ACSF2: variants seen among roughly 807,000 people sequenced by gnomAD.
ACSF2 encodes the protein medium-chain acyl-CoA ligase ACSF2, mitochondrial.
Under a neutral mutation model 79.3 loss-of-function variants are expected in ACSF2, and 52 were observed. That is an observed-to-expected ratio of 0.66 (90% CI 0.53 to 0.83). The LOEUF (loss-of-function observed/expected upper bound fraction) is 0.83, where lower values mean the gene tolerates loss of function less well. Ranked by LOEUF, ACSF2 falls within the 40% of genes least tolerant of loss-of-function variation. ACSF2 has a pLI of 0.00. For synonymous variants in ACSF2, 283 were observed against 312.6 expected (o/e 0.91, Z 1.00); for missense variants, 661 against 803.3 (o/e 0.82, Z 2.14).
At chr17:50,465,004 C>G (rs1308359363) in intron 10 of ACSF2, 1 of 435,140 alleles carries the variant, frequency 2.3e-6, no homozygotes, top group Non-Finnish European at 4.2e-6. Flanking sequence ...AGTAGTCTCT[C>G]CGGTGGAAGG....
Position 50,473,927 on chromosome 17 carries a change from G to C in ACSF2, c.1651G>C (p.Glu551Gln). Residue 551 changes from glutamate (E) to glutamine (Q), a missense_variant, in exon 14 of 16, where the codon GAG becomes CAG. By Grantham distance (29) the Glu-to-Gln change is conservative (BLOSUM62 2). Transcript: ENST00000300441. ...VGVKDDRMGEEICACIRLKDG... is the reference protein window; with the variant it reads ...VGVKDDRMGEQICACIRLKDG... ...AGTGAAGGACGATCGGATGGGGGAA[G>C]AGATTTGTGCCTGCATTCGGCTGAA... is the stretch of plus-strand genomic sequence containing the variant. The C allele has an allele frequency of 6.3e-7, 1 of 1,577,488 alleles. No individual in the cohort carries two copies. The highest frequency in any genetic ancestry group is 2.3e-5 in the East Asian group (1 of 44,300).
intron 1 of ACSF2, among the ~76,000 whole-genome samples, chr17:50,445,383 T>C (rs1036421952): frequency 1.3e-5 from 2 of 152,216 alleles, no homozygotes; most frequent in Admixed American, 1.3e-4. Flanking sequence ...GAGGAGATAC[T>C]CAGTGTTCCT....
At chr17:50,472,760 A>T in intron 12 of ACSF2, 181 bp downstream of exon 12, 1 of 647,182 alleles carries the variant, frequency 1.5e-6, no homozygotes, top group Non-Finnish European at 2.4e-6. Context: ...GCACAGAAGA[A>T]AGCAACTGGG....
chr17:50,426,308 G>A lies in ACSF2; in HGVS notation c.47G>A (p.Gly16Glu). Residue 16 changes from glycine to glutamate, a missense_variant, in exon 1 of 16, where the codon GGG becomes GAG. Physicochemically the swap from Gly to Glu is moderately conservative, Grantham distance 98 (BLOSUM62 -2). Coordinates refer to ENST00000300441, the MANE Select transcript of ACSF2 (RefSeq NM_025149.6). ...GMLRLGRLCA[G>E]SSGVLGARAA... is the part of the protein sequence containing the mutation. ...CTGCGCCTGGGGAGGCTGTGCGCCG[G>A]GAGCTCGGGGGTGCTGGGGGCCCGG... 7.1e-7 allele frequency: 1 copy of A among 1,414,142 alleles called. No homozygotes were observed. Among genetic ancestry groups the A allele is most frequent in the Admixed American group, 2.7e-5 (1 of 36,490 alleles). 87.6% of individuals were successfully genotyped at this position (1,414,142 alleles called of 1,614,324 possible).
intron 1 of ACSF2, among the ~76,000 whole-genome samples, chr17:50,433,433 C>T (rs2030125353): frequency 6.6e-6 from 1 of 152,100 alleles, no homozygotes; most frequent in Non-Finnish European, 1.5e-5. Flanking sequence ...GGATTACAAG[C>T]ACAAACCACC....
intron 10 of ACSF2, chr17:50,469,083 C>T (rs886303580): frequency 4.9e-5 from 60 of 1,226,142 alleles, no homozygotes; most frequent in Non-Finnish European, 6.1e-5. Flanking sequence ...GGCCCCCGAG[C>T]CCCGAGCCCT....
At chr17:50,426,785 C>A in intron 1 of ACSF2, 1 of 1,066,376 alleles carries the variant, frequency 9.4e-7, no homozygotes, top group Non-Finnish European at 1.4e-6. Context: ...GGGGATCAGC[C>A]CCAGTCTCCC....
chr17:50,435,916 C>T (rs887616877), intron 1 of ACSF2, among the ~76,000 whole-genome samples: 8 of 151,788 alleles, frequency 5.3e-5, no homozygotes, highest in Non-Finnish European at 8.8e-5. Context: ...CTGCACCCAG[C>T]GCTCAGTGAG....
chr17:50,448,944 CT>C lies in ACSF2; in HGVS notation c.129-11728del, dbSNP rs533163282. ...AGTGACTCCATTTTGATTCTAACAA[CT>C]TTTTCACAAACTATGTATGTATTTG... On this transcript the variant is annotated intron_variant, in intron 1 of 15. Coordinates refer to ENST00000300441, the MANE Select transcript of ACSF2 (RefSeq NM_025149.6). 2.9e-3 allele frequency among the ~76,000 whole-genome samples: 435 copies of C among 150,308 alleles called. 4 individuals are homozygous for C. Among genetic ancestry groups the C allele is most frequent in the African/African-American group, 0.01 (411 of 40,878 alleles).
intron 1 of ACSF2, among the ~76,000 whole-genome samples, chr17:50,437,316 T>G (rs1460559468): frequency 6.6e-6 from 1 of 152,190 alleles, no homozygotes; most frequent in Non-Finnish European, 1.5e-5. Context: ...GTACAGCATG[T>G]GAATTTCATG....
At chr17:50,429,395 C>T (rs1451934331) in intron 1 of ACSF2, among the ~76,000 whole-genome samples, 1 of 152,168 alleles carries the variant, frequency 6.6e-6, no homozygotes, top group Non-Finnish European at 1.5e-5. Context: ...CTTTCTGGAA[C>T]CCAATTATTT....
At position 50,456,091 on chromosome 17, in the gene ACSF2, C is replaced by G. The variant is rs114062267; in HGVS notation, c.129-4586C>G. ...CGTGGTCTTCCCAGCACTACAGCTGCAGAATGAGCTGTGGAGTGCCCCGTC... is the reference window on the plus strand; with the variant it reads ...CGTGGTCTTCCCAGCACTACAGCTGGAGAATGAGCTGTGGAGTGCCCCGTC... On this transcript the variant is annotated intron_variant, in intron 1 of 15. Transcript: ENST00000300441. Among the ~76,000 whole-genome samples, 1,319 of 152,336 alleles carry G rather than the reference C, an allele frequency of 8.7e-3. 21 individuals carry two copies. The highest frequency in any genetic ancestry group is 0.03 in the African/African-American group (1,248 of 41,582).
intron 1 of ACSF2, among the ~76,000 whole-genome samples, chr17:50,458,221 G>A (rs1335320765): frequency 6.6e-6 from 1 of 152,038 alleles, no homozygotes; most frequent in Non-Finnish European, 1.5e-5. Flanking sequence ...GGTCCACTTG[G>A]GCCCATGGGT....
chr17:50,426,525 C>G, intron 1 of ACSF2, 136 bp downstream of exon 1: 1 of 1,124,652 alleles, frequency 8.9e-7, no homozygotes, highest in Non-Finnish European at 1.2e-6. Flanking sequence ...CCCCGCCCCC[C>G]GCCAGCACCT....
At position 50,463,992 on chromosome 17, in the gene ACSF2, C is replaced by A. The variant is rs1054266870; in HGVS notation, c.1138+83C>A. The stretch of plus-strand genomic sequence containing the variant: ...TGGCCCGGGTGAGTTAGCTATGCTC[C>A]CAGTCTTTTATATAGGGGGCAAGAA... On this transcript the variant is annotated intron_variant, in intron 9 of 15. Coordinates refer to ENST00000300441, the MANE Select transcript of ACSF2 (RefSeq NM_025149.6). This position sits in a 1 kb window ranked among gnomAD's most constrained non-coding sequence, Gnocchi z 4.6. 7.9e-6 allele frequency: 11 copies of A among 1,389,236 alleles called. No individual in the cohort carries two copies. The highest frequency in any genetic ancestry group is 1.1e-5 in the Non-Finnish European group (11 of 987,888). The allele number at this position is 1,389,236 out of a possible 1,614,324, so 86.1% of individuals were successfully genotyped here. A position where few individuals can be genotyped will look rare whatever the true frequency, so the allele number is the denominator to read the frequency against.
rs1466844089 is a variant in ACSF2 at position 50,473,782 on chromosome 17, A to C, written c.1593A>C (p.Thr531=). 2 of 1,614,202 alleles carry C rather than the reference A, an allele frequency of 1.2e-6. No individual in the cohort carries two copies. ...CAGAGCTCGAGGACTTCTTTCACAC[A>C]CACCCGAAGGTGCAGGAAGTGCAGG... ...YPAELEDFFH[T]HPKVQEVQVV... The change falls in exon 13 of 16, where the codon ACA becomes ACC. Residue 531 remains threonine (T), a synonymous_variant. Coordinates refer to ENST00000300441, the MANE Select transcript of ACSF2 (RefSeq NM_025149.6).
chr17:50,442,518 T>C (rs2031004887), intron 1 of ACSF2, among the ~76,000 whole-genome samples: 1 of 152,012 alleles, frequency 6.6e-6, no homozygotes, highest in African/African-American at 2.4e-5. Flanking sequence ...CAGGCTGGCA[T>C]GCAGTGACAC....
Position 50,463,102 on chromosome 17 carries a change from A to G in ACSF2, c.793-54A>G. 1 of 1,468,928 alleles carries G rather than the reference A, an allele frequency of 6.8e-7. No individual in the cohort carries two copies. The highest frequency in any genetic ancestry group is 9.5e-7 in the Non-Finnish European group (1 of 1,053,346). 91.0% of individuals were successfully genotyped at this position (1,468,928 alleles called of 1,614,324 possible). A position where few individuals can be genotyped will look rare whatever the true frequency, so the allele number is the denominator to read the frequency against. ...CCCGTGCTCTTCAAGGCAGTGGCCC[A>G]GGGTGGGAAGGAGATGAGAAGGAGG... On this transcript the variant is annotated intron_variant, in intron 6 of 15. Coordinates refer to ENST00000300441, the MANE Select transcript of ACSF2 (RefSeq NM_025149.6). The surrounding 1 kb of genome is among the most constrained non-coding windows in gnomAD (Gnocchi z 4.6).
In ACSF2 at chr17:50,468,723, T is replaced by TGTGGCA. The variant is rs1412841228; in HGVS notation, c.1216-2296_1216-2291dup. Reference sequence around the variant, plus strand: ...TCGCAGATGACGTGCTGCAGGTCGCTGTGGCAGTGGCAGTTCTGGGGGCAG... The same window carrying TGTGGCA: ...TCGCAGATGACGTGCTGCAGGTCGCTGTGGCAGTGGCAGTGGCAGTTCTGGGGGCAG... On this transcript the variant is annotated intron_variant, in intron 10 of 15. Transcript: ENST00000300441. The TGTGGCA allele has an allele frequency of 6.2e-6, 10 of 1,611,260 alleles. No homozygotes were observed. In the Admixed American group the frequency reaches 1.0e-4, roughly 16 times the overall value.
Sources: gnomAD v4.1 joint callset for allele counts (sites outside exome capture counted in the v4.1 genomes callset) on GRCh38, gnomAD v4.1.1 for gene constraint, Gnocchi (gnomAD v3.1) non-coding constraint, MANE v1.5 for transcripts, NCBI Gene and HGNC (gene_info 2026-07-23, HGNC 2026-07-21) for gene names.